Variants in ANHX observed in about 807,000 individuals in gnomAD.
The protein encoded by ANHX is anomalous homeobox protein.
Under a neutral mutation model 38.9 loss-of-function variants are expected in ANHX, and 20 were observed. The observed-to-expected ratio is 0.51, with a 90% CI of 0.36 to 0.75. The LOEUF (loss-of-function observed/expected upper bound fraction) is 0.75. Among genes scored for constraint, ANHX ranks in the 30% least tolerant of loss-of-function variants. The pLI, the probability that ANHX is intolerant of heterozygous loss-of-function variation, is 0.00. For synonymous variants in ANHX, 185 were observed against 203.1 expected (o/e 0.91, Z 0.76); for missense variants, 475 against 493.1 (o/e 0.96, Z 0.35).
chr12:133,229,381 C>T lies in ANHX; in HGVS notation c.378-1434G>A, dbSNP rs999185646. Among the ~76,000 whole-genome samples the T allele has an allele frequency of 8.5e-5, 13 of 152,322 alleles. No individual in the cohort carries two copies. In the South Asian group the frequency reaches 2.7e-3, roughly 32 times the overall value. On this transcript the variant is annotated intron_variant, in intron 3 of 9. Coordinates refer to ENST00000545940, the MANE Select transcript of ANHX (RefSeq NM_001372060.1). ...TTGGACATCTAAAATGCATCTCGCA[C>T]ATCATGAATCCCAAAAGAACTCCAT...
chr12:133,220,777 C>T (rs1957098647), intron 8 of ANHX, among the ~76,000 whole-genome samples: 1 of 152,214 alleles, frequency 6.6e-6, no homozygotes, highest in African/African-American at 2.4e-5. Flanking sequence ...CCCTGGTCAT[C>T]TTCTGTTTCT....
In ANHX at chr12:133,218,975, G is replaced by A; in HGVS notation, c.1366-4C>T. On this transcript the variant is annotated splice_polypyrimidine_tract_variant and splice_region_variant and intron_variant, in intron 9 of 9. Transcript: ENST00000545940. ...CCTGGCTATCAGAACACTGCACCTG[G>A]AAGACAACACAGTGGTAAACACAGA... 1 of 1,532,954 alleles carries A rather than the reference G, an allele frequency of 6.5e-7. No individual in the cohort carries two copies. Among genetic ancestry groups the A allele is most frequent in the South Asian group, 1.2e-5 (1 of 83,874 alleles). 95.0% of individuals were successfully genotyped at this position (1,532,954 alleles called of 1,614,324 possible).
chr12:133,234,071 CCT>C (rs1156352111), intron 2 of ANHX, 35 bp downstream of exon 2: 52 of 1,524,860 alleles, frequency 3.4e-5, no homozygotes, highest in Non-Finnish European at 4.2e-5. Context: ...GAAGTTGCTA[CCT>C]CTCTCTGTAC....
In ANHX at chr12:133,234,146, G is replaced by T. The variant is rs1453868541; in HGVS notation, c.211C>A (p.Gln71Lys). 2 of 1,535,938 alleles carry T rather than the reference G, an allele frequency of 1.3e-6. No individual in the cohort carries two copies. Among genetic ancestry groups the T allele is most frequent in the Admixed American group, 3.9e-5 (2 of 50,984 alleles). ...VALACARVLDQQEQQQAACRL... is the reference protein window; with the variant it reads ...VALACARVLDKQEQQQAACRL... ...CAAGCCGCCTGCTGCTGCTCCTGCT[G>T]GTCCAGGACACGGGCGCACGCCAGG... The change falls in exon 2 of 10, where the codon CAG becomes AAG. Residue 71 changes from glutamine (Q) to lysine (K), a missense_variant. Physicochemically the swap from Gln to Lys is moderately conservative, Grantham distance 53. Coordinates refer to ENST00000545940, the MANE Select transcript of ANHX (RefSeq NM_001372060.1).
At chr12:133,226,514 C>A (rs149488721) in intron 5 of ANHX, 76 bp from the exon 6 acceptor site, 34 of 1,454,050 alleles carry the variant, frequency 2.3e-5, no homozygotes, top group Non-Finnish European at 3.1e-5. Flanking sequence ...GTATGAGCAG[C>A]CCTGCTGGCT....
chr12:133,223,766 A>G (rs1302390723), intron 7 of ANHX, among the ~76,000 whole-genome samples: 1 of 152,044 alleles, frequency 6.6e-6, no homozygotes, highest in African/African-American at 2.4e-5. Context: ...ATTCTTTAAG[A>G]TTAAAGTCTT....
chr12:133,233,518 C>A (rs1453871654), intron 2 of ANHX, among the ~76,000 whole-genome samples: 5 of 152,190 alleles, frequency 3.3e-5, no homozygotes, highest in African/African-American at 1.2e-4. Flanking sequence ...GCATCCAGCA[C>A]ACGACATGCA....
In ANHX at chr12:133,218,883, G is replaced by C; in HGVS notation, c.*2C>G. The stretch of plus-strand genomic sequence containing the variant: ...GGGTGCTGTCTGGCTCCTGGGGATA[G>C]CTCAGCCCAGGCTGCTCCCTGAAAA... On this transcript the variant is annotated 3_prime_UTR_variant, in exon 10 of 10. Transcript: ENST00000545940. 6.6e-7 allele frequency: 1 copy of C among 1,512,900 alleles called. No homozygotes were observed. Among genetic ancestry groups the C allele is most frequent in the Non-Finnish European group, 8.8e-7 (1 of 1,131,748 alleles). The allele number at this position is 1,512,900 out of a possible 1,614,324, so 93.7% of individuals were successfully genotyped here.
At position 133,221,159 on chromosome 12, in the gene ANHX, G is replaced by C. The variant is rs774470567; in HGVS notation, c.1280+46C>G. On this transcript the variant is annotated intron_variant, in intron 8 of 9. Coordinates refer to ENST00000545940, the MANE Select transcript of ANHX (RefSeq NM_001372060.1). This position sits in a 1 kb window ranked among gnomAD's most constrained non-coding sequence, Gnocchi z 4.1. ...TAAACTGGGCATTACCCTATCTTGT[G>C]GCCTGTGGAAAGGACTGTCCAGGCC... is the stretch of plus-strand genomic sequence containing the variant. The C allele has an allele frequency of 1.1e-5, 17 of 1,530,984 alleles. No homozygotes were observed. In the Middle Eastern group the frequency reaches 6.7e-4, roughly 60 times the overall value. The allele number at this position is 1,530,984 out of a possible 1,614,324, so 94.8% of individuals were successfully genotyped here.
Position 133,234,091 on chromosome 12 carries a change from C to G in ANHX, c.249+17G>C. ...TGCTACCTCTCTCTGTACCCTACCC[C>G]TGTAGCCCAGGCCTACCTCCAGGAG... On this transcript the variant is annotated intron_variant, in intron 2 of 9. Coordinates refer to ENST00000545940, the MANE Select transcript of ANHX (RefSeq NM_001372060.1). The G allele has an allele frequency of 3.9e-6, 6 of 1,534,538 alleles. No homozygotes were observed. The highest frequency in any genetic ancestry group is 5.2e-6 in the Non-Finnish European group (6 of 1,146,614).
intron 2 of ANHX, 57 bp from the exon 3 acceptor site, chr12:133,231,701 G>A: frequency 6.6e-7 from 1 of 1,526,448 alleles, no homozygotes; most frequent in Non-Finnish European, 8.8e-7. Context: ...GCACTGTTGG[G>A]ACCTGCATCT....
In ANHX at chr12:133,221,078, T is replaced by C; in HGVS notation, c.1280+127A>G. The stretch of plus-strand genomic sequence containing the variant: ...TGTAGGCTTGTGGGGACTGTTACAG[T>C]TTTCAGCAATCCAAAGGAGAGGACC... On this transcript the variant is annotated intron_variant, in intron 8 of 9. Transcript: ENST00000545940. The surrounding 1 kb of genome is among the most constrained non-coding windows in gnomAD (Gnocchi z 4.1). 8.0e-7 allele frequency: 1 copy of C among 1,255,134 alleles called. No homozygotes were observed. The highest frequency in any genetic ancestry group is 1.5e-5 in the African/African-American group (1 of 65,354). 77.7% of individuals were successfully genotyped at this position (1,255,134 alleles called of 1,614,324 possible).
chr12:133,227,803 C>A, intron 4 of ANHX, 21 bp downstream of exon 4: 1 of 1,535,470 alleles, frequency 6.5e-7, no homozygotes. Flanking sequence ...CCCCTGGGTC[C>A]TGGGTATCTT....
In ANHX at chr12:133,221,464, G is replaced by T. The variant is rs896955193; in HGVS notation, c.1133-112C>A. 7 of 1,263,422 alleles carry T rather than the reference G, an allele frequency of 5.5e-6. No individual in the cohort carries two copies. In the African/African-American group the frequency reaches 1.1e-4, roughly 19 times the overall value. 78.3% of individuals were successfully genotyped at this position (1,263,422 alleles called of 1,614,324 possible). ...GCGGATGCAGCCTCCGGCCCAGCCA[G>T]CCCGCGCCACGTGAACCAGACTCAC... On this transcript the variant is annotated intron_variant, in intron 7 of 9. Transcript: ENST00000545940. The surrounding 1 kb of genome is among the most constrained non-coding windows in gnomAD (Gnocchi z 4.1).
intron 3 of ANHX, among the ~76,000 whole-genome samples, chr12:133,228,278 G>A (rs761142955): frequency 2.6e-5 from 4 of 151,570 alleles, no homozygotes; most frequent in Admixed American, 2.0e-4. Flanking sequence ...CATGGAGGCC[G>A]CGTGCACAGC....
At chr12:133,234,837 A>AG (rs1957341011) in intron 1 of ANHX, 3 of 164,940 alleles carry the variant, frequency 1.8e-5, no homozygotes, top group African/African-American at 7.2e-5. Flanking sequence ...TCCACACAGG[A>AG]GGAACCTTTA....
At position 133,234,099 on chromosome 12, in the gene ANHX, C is replaced by G. The variant is rs923138771; in HGVS notation, c.249+9G>C. The stretch of plus-strand genomic sequence containing the variant: ...CTCTCTGTACCCTACCCCTGTAGCC[C>G]AGGCCTACCTCCAGGAGGCGGCAAG... On this transcript the variant is annotated intron_variant, in intron 2 of 9. Coordinates refer to ENST00000545940, the MANE Select transcript of ANHX (RefSeq NM_001372060.1). The G allele has an allele frequency of 2.7e-5, 42 of 1,534,906 alleles. No homozygotes were observed. The highest frequency in any genetic ancestry group is 3.7e-5 in the Non-Finnish European group (42 of 1,146,760).
chr12:133,219,903 G>A (rs1275388312), intron 8 of ANHX, among the ~76,000 whole-genome samples: 2 of 152,004 alleles, frequency 1.3e-5, no homozygotes, highest in Non-Finnish European at 2.9e-5. Flanking sequence ...AATGGCACGT[G>A]GCTCCCCAGA....
chr12:133,235,344 G>T (rs148916123), intron 1 of ANHX: 1 of 152,220 alleles, frequency 6.6e-6, no homozygotes, highest in Non-Finnish European at 1.5e-5. Context: ...AAGGAAAAAG[G>T]TTCCTGTGGG....
Sources: allele counts gnomAD v4.1 joint callset (sites outside exome capture counted in the v4.1 genomes callset), GRCh38; gene constraint gnomAD v4.1.1; non-coding constraint Gnocchi (gnomAD v3.1); transcripts MANE v1.5; gene names NCBI Gene and HGNC (gene_info 2026-07-23, HGNC 2026-07-21).